The following FSIP1 variants were observed in gnomAD, a reference collection of about 807,000 sequenced individuals.
The protein encoded by FSIP1 is fibrous sheath interacting protein 1, also known as fibrous sheath-interacting protein 1.
Under a neutral mutation model 60.9 loss-of-function variants are expected in FSIP1, and 65 were observed. That is an observed-to-expected ratio of 1.07 (90% CI 0.87 to 1.31). The LOEUF (loss-of-function observed/expected upper bound fraction) is 1.31, where lower values mean the gene tolerates loss of function less well. FSIP1 is among the 40% of genes most tolerant of loss of function. FSIP1 has a pLI of 0.00. For synonymous variants in FSIP1, 209 were observed against 221.2 expected (o/e 0.94, Z 0.49); for missense variants, 675 against 665.5 (o/e 1.01, Z -0.16).
intron 8 of FSIP1, among the ~76,000 whole-genome samples, chr15:39,730,453 C>T (rs1458182138): frequency 2.0e-5 from 3 of 152,138 alleles, no homozygotes; most frequent in African/African-American, 2.4e-5. Flanking sequence ...TTTGGAATAA[C>T]GTGTCAAGTA....
chr15:39,616,556 G>A (rs942464042), intron 11 of FSIP1, among the ~76,000 whole-genome samples: 3 of 152,148 alleles, frequency 2.0e-5, no homozygotes, highest in African/African-American at 7.2e-5. Flanking sequence ...GAAGAAGAGG[G>A]CCTGAACAAC....
intron 11 of FSIP1, among the ~76,000 whole-genome samples, chr15:39,605,942 T>C (rs1890808625): frequency 6.6e-6 from 1 of 152,202 alleles, no homozygotes; most frequent in Non-Finnish European, 1.5e-5. Context: ...AAGATCTCCA[T>C]CTAGCAGCAG....
rs139010975 is a variant in FSIP1, at chr15:39,748,384, G to A, written c.560-6484C>T. ...ACAGTCCTTCTTTTCAAGTGTCCAC[G>A]GAGTACTTATAAAAGTTAATCATAT... On this transcript the variant is annotated intron_variant, in intron 5 of 11. Transcript: ENST00000350221. Among the ~76,000 whole-genome samples, 15 of 152,154 alleles carry A rather than the reference G, an allele frequency of 9.9e-5. No individual in the cohort carries two copies. In the East Asian group the frequency reaches 2.7e-3, roughly 27 times the overall value.
chr15:39,782,051 G>A (rs913241664), intron 1 of FSIP1, among the ~76,000 whole-genome samples: 1 of 152,180 alleles, frequency 6.6e-6, no homozygotes, highest in Non-Finnish European at 1.5e-5. Flanking sequence ...TAGAATTGCT[G>A]AGTCAAAGAA....
At chr15:39,653,175 CAA>C (rs35671970) in intron 10 of FSIP1, among the ~76,000 whole-genome samples, 7 of 116,660 alleles carry the variant, frequency 6.0e-5, no homozygotes, top group East Asian at 2.7e-4. Flanking sequence ...GACTTTGTCT[CAA>C]AAAAAAAAAA....
At chr15:39,693,068 G>A (rs1894668993) in intron 10 of FSIP1, among the ~76,000 whole-genome samples, 2 of 152,218 alleles carry the variant, frequency 1.3e-5, no homozygotes, top group South Asian at 2.1e-4. Context: ...TAACAAAACT[G>A]ACATTAGCTG....
At chr15:39,731,654 T>C (rs555180059) in intron 8 of FSIP1, among the ~76,000 whole-genome samples, 1 of 152,356 alleles carries the variant, frequency 6.6e-6, no homozygotes, top group African/African-American at 2.4e-5. Context: ...AGCACCTCTA[T>C]ACACCCTTGC....
chr15:39,634,861 T>C (rs1892062997), intron 10 of FSIP1, among the ~76,000 whole-genome samples: 1 of 152,176 alleles, frequency 6.6e-6, no homozygotes, highest in Admixed American at 6.5e-5. Context: ...CCCAGGATCC[T>C]ATGAGCACAA....
At chr15:39,716,635 A>G (rs1288693612) in intron 9 of FSIP1, among the ~76,000 whole-genome samples, 1 of 152,204 alleles carries the variant, frequency 6.6e-6, no homozygotes, top group African/African-American at 2.4e-5. Context: ...CAACATCATT[A>G]GTCACTGGGG....
At position 39,764,242 on chromosome 15, in the gene FSIP1, T is replaced by A. The variant is rs181282091; in HGVS notation, c.466-328A>T. Among the ~76,000 whole-genome samples, 718 of 152,304 alleles carry A rather than the reference T, an allele frequency of 4.7e-3. 4 individuals carry two copies. Among genetic ancestry groups the A allele is most frequent in the Non-Finnish European group, 7.3e-3 (498 of 68,018 alleles). On this transcript the variant is annotated intron_variant, in intron 4 of 11. Coordinates refer to ENST00000350221, the MANE Select transcript of FSIP1 (RefSeq NM_152597.5). ...AAAATTTCAGACATTTCAACATTGTTACTATGTTTTATTATGTTTCCATTT... is the reference window on the plus strand; with the variant it reads ...AAAATTTCAGACATTTCAACATTGTAACTATGTTTTATTATGTTTCCATTT...
At chr15:39,737,712 T>C (rs113760553) in intron 8 of FSIP1, among the ~76,000 whole-genome samples, 108 of 152,242 alleles carry the variant, frequency 7.1e-4, no homozygotes, top group African/African-American at 2.5e-3. Context: ...CATGTGCAGG[T>C]TTGTTATACA....
chr15:39,772,201 C>G (rs1399697287), intron 2 of FSIP1, among the ~76,000 whole-genome samples: 1 of 152,206 alleles, frequency 6.6e-6, no homozygotes, highest in African/African-American at 2.4e-5. Flanking sequence ...CCACTGGCCT[C>G]TCTATTCCTA....
At chr15:39,763,745 T>C (rs1394584711) in intron 5 of FSIP1, 76 bp downstream of exon 5, 12 of 779,866 alleles carry the variant, frequency 1.5e-5, no homozygotes, top group East Asian at 7.4e-5. Flanking sequence ...AAAAACTGGA[T>C]TGGGAATTTT....
At chr15:39,713,958 T>A (rs148217115) in intron 9 of FSIP1, among the ~76,000 whole-genome samples, 5 of 152,312 alleles carry the variant, frequency 3.3e-5, no homozygotes, top group Admixed American at 1.3e-4. Context: ...ACCCTGCCCA[T>A]CCATATTATT....
chr15:39,728,453 G>C (rs1182825149), intron 8 of FSIP1, among the ~76,000 whole-genome samples: 1 of 152,090 alleles, frequency 6.6e-6, no homozygotes. Context: ...TAGACCAATG[G>C]AACAGAAGAG....
At chr15:39,744,534 G>A (rs1896919407) in intron 5 of FSIP1, among the ~76,000 whole-genome samples, 1 of 152,162 alleles carries the variant, frequency 6.6e-6, no homozygotes, top group South Asian at 2.1e-4. Context: ...GCCCCTGGAG[G>A]TGAAATCCTG....
At position 39,619,989 on chromosome 15, in the gene FSIP1, G is replaced by A. The variant is rs116073431; in HGVS notation, c.1189-1744C>T. The stretch of plus-strand genomic sequence containing the variant: ...ATATTGATATGATAGATGTTTGGCA[G>A]TTCTGATGATGTATTTGGCTAAATA... On this transcript the variant is annotated intron_variant, in intron 10 of 11. Transcript: ENST00000350221. Among the ~76,000 whole-genome samples, 1,001 of 152,212 alleles carry A rather than the reference G, an allele frequency of 6.6e-3. 13 individuals are homozygous for A. The highest frequency in any genetic ancestry group is 0.023 in the African/African-American group (937 of 41,504).
At chr15:39,727,017 G>C (rs942394404) in intron 8 of FSIP1, among the ~76,000 whole-genome samples, 7 of 152,202 alleles carry the variant, frequency 4.6e-5, no homozygotes, top group Non-Finnish European at 1.0e-4. Flanking sequence ...TAGTTTCACA[G>C]TCTGGTTCTC....
chr15:39,613,497 T>C (rs914230351), intron 11 of FSIP1, among the ~76,000 whole-genome samples: 1 of 152,178 alleles, frequency 6.6e-6, no homozygotes. Context: ...CAGGGCCAGA[T>C]GGCTTTACTA....
Sources: allele counts gnomAD v4.1 joint callset (sites outside exome capture counted in the v4.1 genomes callset), GRCh38; gene constraint gnomAD v4.1.1; transcripts MANE v1.5; gene names NCBI Gene and HGNC (gene_info 2026-07-23, HGNC 2026-07-21).